Variants in DAPK1 observed in about 807,000 individuals in gnomAD.
DAPK1 encodes death associated protein kinase 1.
In DAPK1, 56 loss-of-function variants were observed where a neutral mutation model predicts 144.9. The observed-to-expected ratio is 0.39, with a 90% CI of 0.31 to 0.48. DAPK1 has a LOEUF of 0.48. Ranked by LOEUF, DAPK1 falls within the 20% of genes least tolerant of loss-of-function variation. The probability of loss-of-function intolerance (pLI) is 0.95; values close to 1 mark genes in which losing one functional copy is unlikely to be tolerated. For synonymous variants in DAPK1, 690 were observed against 749.0 expected, an observed-to-expected ratio of 0.92 and a Z score of 1.29; for missense variants, 1,454 against 1,875.4, an observed-to-expected ratio of 0.78 and a Z score of 4.15.
At chr9:87,553,947 A>G (rs1252151355) in intron 2 of DAPK1, 1 of 152,246 alleles carries the variant, frequency 6.6e-6, no homozygotes, top group Non-Finnish European at 1.5e-5. Context: ...CACTAGAACA[A>G]CAAAAGGGAA....
At chr9:87,668,719 T>C (rs745348800) in intron 19 of DAPK1, 45 bp downstream of exon 19, 2 of 901,726 alleles carry the variant, frequency 2.2e-6, no homozygotes, top group Admixed American at 1.7e-5. Context: ...CCTGTGTTTA[T>C]GTGAAAAAGT....
chr9:87,671,538 C>T (rs537112807), intron 19 of DAPK1, among the ~76,000 whole-genome samples: 7 of 150,692 alleles, frequency 4.6e-5, no homozygotes, highest in African/African-American at 1.2e-4. Flanking sequence ...TCTTGCTCTG[C>T]GGCTCAGGCT....
At chr9:87,610,676 C>G (rs1828891387) in intron 3 of DAPK1, among the ~76,000 whole-genome samples, 1 of 152,216 alleles carries the variant, frequency 6.6e-6, no homozygotes, top group African/African-American at 2.4e-5. Context: ...TGGTTGGCCT[C>G]CATGAAGCCT....
chr9:87,645,098 A>G (rs1461419956), intron 11 of DAPK1, among the ~76,000 whole-genome samples: 1 of 152,204 alleles, frequency 6.6e-6, no homozygotes, highest in Non-Finnish European at 1.5e-5. Flanking sequence ...CTGTAGATTA[A>G]CTTTTCCAGA....
chr9:87,702,549 A>G lies in DAPK1; in HGVS notation c.2872-480A>G, dbSNP rs36219774. ...AGGGAAGAAAGGAGGGAGGGAGGAA[A>G]AAGTGAGGGAGTGAAACATTAGGAG... On this transcript the variant is annotated intron_variant, in intron 24 of 25. Coordinates refer to ENST00000408954, the MANE Select transcript of DAPK1 (RefSeq NM_004938.4). Among the ~76,000 whole-genome samples the G allele has an allele frequency of 9.4e-3, 1,429 of 152,314 alleles. 18 individuals carry two copies. The highest frequency in any genetic ancestry group is 0.029 in the African/African-American group (1,224 of 41,576).
At chr9:87,555,489 CTTTAT>C (rs544813706) in intron 2 of DAPK1, among the ~76,000 whole-genome samples, 7 of 151,742 alleles carry the variant, frequency 4.6e-5, no homozygotes, top group Admixed American at 1.3e-4. Flanking sequence ...TCATGAAGCA[CTTTAT>C]TTTATTTAGT....
At chr9:87,560,283 A>C (rs1272522605) in intron 2 of DAPK1, among the ~76,000 whole-genome samples, 1 of 152,120 alleles carries the variant, frequency 6.6e-6, no homozygotes, top group Admixed American at 6.5e-5. Context: ...GGTGTGAGTC[A>C]CCATGCCCAG....
At chr9:87,602,697 A>G (rs7027013) in intron 2 of DAPK1, among the ~76,000 whole-genome samples, 22,801 of 151,716 alleles carry the variant, frequency 0.15, 2,765 homozygotes, top group African/African-American at 0.33. Flanking sequence ...GCAGTGGCAC[A>G]ATCTCGGCTC....
chr9:87,653,307 G>A (rs1443199135), intron 17 of DAPK1, among the ~76,000 whole-genome samples: 1 of 152,206 alleles, frequency 6.6e-6, no homozygotes, highest in Non-Finnish European at 1.5e-5. Context: ...CCTGGATTTT[G>A]GCCAAGTTTC....
chr9:87,535,713 T>A (rs1825837609), intron 2 of DAPK1, among the ~76,000 whole-genome samples: 1 of 152,178 alleles, frequency 6.6e-6, no homozygotes, highest in Admixed American at 6.5e-5. Context: ...CTAAATAAAT[T>A]CTTTGCAAAA....
chr9:87,542,908 G>A (rs1244375059), intron 2 of DAPK1, among the ~76,000 whole-genome samples: 4 of 152,166 alleles, frequency 2.6e-5, no homozygotes, highest in Non-Finnish European at 4.4e-5. Flanking sequence ...ATGGCATCAC[G>A]ATCATAAATA....
chr9:87,678,303 C>T (rs1824477114), intron 19 of DAPK1, among the ~76,000 whole-genome samples: 1 of 152,216 alleles, frequency 6.6e-6, no homozygotes, highest in East Asian at 1.9e-4. Context: ...ATAACACAGA[C>T]CTTGTGGGAG....
chr9:87,547,602 T>C (rs1952593), intron 2 of DAPK1, among the ~76,000 whole-genome samples: 43,580 of 150,434 alleles, frequency 0.29, 6,610 homozygotes, highest in Middle Eastern at 0.43. Flanking sequence ...TGTGTGTGTG[T>C]GTGCGTGTGT....
At chr9:87,555,140 G>T (rs934916298) in intron 2 of DAPK1, among the ~76,000 whole-genome samples, 1 of 152,182 alleles carries the variant, frequency 6.6e-6, no homozygotes, top group East Asian at 1.9e-4. Flanking sequence ...GGACTTGGGG[G>T]TTTACATAAC....
At chr9:87,601,570 TG>T (rs956596835) in intron 2 of DAPK1, among the ~76,000 whole-genome samples, 4 of 151,994 alleles carry the variant, frequency 2.6e-5, no homozygotes, top group Admixed American at 2.6e-4. Flanking sequence ...GGTAGGTACT[TG>T]GGGGGTAATA....
At chr9:87,662,003 G>T (rs1830866174) in intron 18 of DAPK1, among the ~76,000 whole-genome samples, 1 of 152,128 alleles carries the variant, frequency 6.6e-6, no homozygotes, top group Non-Finnish European at 1.5e-5. Context: ...TTCTGCAAAT[G>T]GTGAGAGAGA....
intron 21 of DAPK1, among the ~76,000 whole-genome samples, chr9:87,696,034 A>G (rs191023784): frequency 6.6e-6 from 1 of 152,302 alleles, no homozygotes; most frequent in African/African-American, 2.4e-5. Flanking sequence ...CCGTGTCATT[A>G]TTATTATGGA....
chr9:87,651,979 C>T (rs1254798785), intron 17 of DAPK1, among the ~76,000 whole-genome samples: 24 of 122,528 alleles, frequency 2.0e-4, no homozygotes, highest in African/African-American at 7.4e-4. Context: ...CACCTGATCC[C>T]GGGTCCTGAT....
chr9:87,502,923 A>G (rs1170174709), intron 2 of DAPK1, among the ~76,000 whole-genome samples: 2 of 152,116 alleles, frequency 1.3e-5, no homozygotes, highest in African/African-American at 4.8e-5. Flanking sequence ...TATGATCAAT[A>G]TTGGGATTAA....
Sources: gnomAD v4.1 joint callset for allele counts (sites outside exome capture counted in the v4.1 genomes callset) on GRCh38, gnomAD v4.1.1 for gene constraint, MANE v1.5 for transcripts, NCBI Gene and HGNC (gene_info 2026-07-23, HGNC 2026-07-21) for gene names.